The following SLC35D2 variants were observed in gnomAD, a reference collection of about 807,000 sequenced individuals.
SLC35D2 encodes solute carrier family 35 member D2.
In SLC35D2, 43 loss-of-function variants were observed where a neutral mutation model predicts 41.8. That is an observed-to-expected ratio of 1.03 (90% CI 0.81 to 1.33). SLC35D2 has a LOEUF of 1.33. SLC35D2 is among the 40% of genes most tolerant of loss of function. SLC35D2 has a pLI of 0.00. For synonymous variants in SLC35D2, 150 were observed against 163.9 expected, an observed-to-expected ratio of 0.92 and a Z score of 0.65; for missense variants, 380 against 408.4, an observed-to-expected ratio of 0.93 and a Z score of 0.60.
intron 6 of SLC35D2, among the ~76,000 whole-genome samples, chr9:96,349,706 A>G (rs914005787): frequency 1.3e-5 from 2 of 152,010 alleles, no homozygotes; most frequent in Non-Finnish European, 2.9e-5. Flanking sequence ...TTGTATTTTT[A>G]GTAGAGATGG....
At chr9:96,336,896 C>T (rs2130882285) in intron 8 of SLC35D2, 112 bp from the exon 9 acceptor site, 1 of 657,428 alleles carries the variant, frequency 1.5e-6, no homozygotes, top group Admixed American at 2.8e-5. Context: ...AAACAGAAAA[C>T]ATAAAGCTAA....
At chr9:96,330,542 C>A (rs1828761396) in intron 9 of SLC35D2, among the ~76,000 whole-genome samples, 1 of 152,188 alleles carries the variant, frequency 6.6e-6, no homozygotes, top group Non-Finnish European at 1.5e-5. Flanking sequence ...CTGCATACAA[C>A]AGAAATACAC....
intron 1 of SLC35D2, among the ~76,000 whole-genome samples, chr9:96,372,574 CTTTTTTTTTTTTTTT>C (rs71368250): frequency 2.2e-5 from 2 of 90,142 alleles, no homozygotes; most frequent in African/African-American, 5.4e-5. Context: ...TAAATAATTA[CTTTTTTTTTTTTTTT>C]TTTTTTTTTT....
intron 1 of SLC35D2, among the ~76,000 whole-genome samples, chr9:96,369,196 A>G (rs1036283071): frequency 2.6e-5 from 4 of 152,196 alleles, no homozygotes; most frequent in African/African-American, 9.6e-5. Context: ...TCATTATACT[A>G]GTTTTAAAAG....
At chr9:96,324,261 CTTT>C in intron 9 of SLC35D2, 92 bp from the exon 10 acceptor site, 1 of 958,398 alleles carries the variant, frequency 1.0e-6, no homozygotes, top group Admixed American at 2.3e-5. Context: ...CACACAAGCA[CTTT>C]AAGCGAAGAA....
exon 12 of SLC35D2, among the ~76,000 whole-genome samples, chr9:96,313,577 T>C (rs1363196962): frequency 6.6e-6 from 1 of 152,170 alleles, no homozygotes; most frequent in Non-Finnish European, 1.5e-5. Context: ...GTCTTTCTGG[T>C]GTAGCCAGCC....
At chr9:96,316,526 A>G (rs1040249048), downstream of SLC35D2, among the ~76,000 whole-genome samples, 1 of 151,766 alleles carries the variant, frequency 6.6e-6, no homozygotes, top group Non-Finnish European at 1.5e-5. Context: ...GTCTGGACCA[A>G]CAGCCTGGGG....
chr9:96,325,577 G>A (rs1033497508), intron 9 of SLC35D2, among the ~76,000 whole-genome samples: 5 of 152,258 alleles, frequency 3.3e-5, no homozygotes, highest in Non-Finnish European at 7.4e-5. Context: ...CAGCTACTCG[G>A]GAGGATGAAG....
chr9:96,373,631 G>A (rs1450658937), intron 1 of SLC35D2, among the ~76,000 whole-genome samples: 1 of 149,808 alleles, frequency 6.7e-6, no homozygotes, highest in Non-Finnish European at 1.5e-5. Flanking sequence ...AGGTTGCAGT[G>A]AGCAGAGATC....
At chr9:96,355,929 T>C (rs978499462) in intron 4 of SLC35D2, among the ~76,000 whole-genome samples, 2 of 152,248 alleles carry the variant, frequency 1.3e-5, no homozygotes, top group Non-Finnish European at 2.9e-5. Flanking sequence ...TTCAAATAGA[T>C]ACACAGATTG....
intron 2 of SLC35D2, among the ~76,000 whole-genome samples, chr9:96,365,950 C>T (rs1830455932): frequency 6.6e-6 from 1 of 152,108 alleles, no homozygotes; most frequent in African/African-American, 2.4e-5. Flanking sequence ...TGTAATTAAG[C>T]CCATCCTGAA....
chr9:96,359,897 T>G (rs1830189724), intron 4 of SLC35D2, among the ~76,000 whole-genome samples: 1 of 152,144 alleles, frequency 6.6e-6, no homozygotes, highest in East Asian at 1.9e-4. Context: ...AAATCAGACC[T>G]TCTCTACCTT....
chr9:96,345,918 A>G (rs1829556534), intron 6 of SLC35D2, among the ~76,000 whole-genome samples: 1 of 152,190 alleles, frequency 6.6e-6, no homozygotes, highest in African/African-American at 2.4e-5. Flanking sequence ...TGACCCCTCT[A>G]TGGCTCCTTT....
At chr9:96,318,985 G>T (rs2130818471), downstream of SLC35D2, among the ~76,000 whole-genome samples, 1 of 152,162 alleles carries the variant, frequency 6.6e-6, no homozygotes, top group Non-Finnish European at 1.5e-5. Context: ...AAAATAGAAA[G>T]ACCACAGGAT....
intron 1 of SLC35D2, among the ~76,000 whole-genome samples, chr9:96,382,146 C>A (rs532773590): frequency 1.1e-4 from 16 of 152,050 alleles, no homozygotes; most frequent in African/African-American, 3.6e-4. Context: ...TACAACCAAT[C>A]GAGCTTATGT....
At chr9:96,370,635 C>T (rs1306701675) in intron 1 of SLC35D2, among the ~76,000 whole-genome samples, 5 of 151,344 alleles carry the variant, frequency 3.3e-5, no homozygotes, top group Admixed American at 1.3e-4. Flanking sequence ...CCAGCCTGGG[C>T]GACAGAGCAA....
At chr9:96,379,210 G>C (rs1241313416) in intron 1 of SLC35D2, among the ~76,000 whole-genome samples, 1 of 151,874 alleles carries the variant, frequency 6.6e-6, no homozygotes, top group Non-Finnish European at 1.5e-5. Context: ...AGGAGGCTGA[G>C]GTGGGAAGAT....
chr9:96,338,866 TTA>T (rs1491500150), intron 8 of SLC35D2, among the ~76,000 whole-genome samples: 20 of 152,146 alleles, frequency 1.3e-4, no homozygotes, highest in African/African-American at 4.6e-4. Context: ...TGGGAAACAC[TTA>T]GTGTCTGAAA....
chr9:96,352,353 G>T (rs771048248), intron 4 of SLC35D2, among the ~76,000 whole-genome samples: 1 of 151,358 alleles, frequency 6.6e-6, no homozygotes, highest in Non-Finnish European at 1.5e-5. Context: ...ACAGAGTCTC[G>T]CTGTGTTGCC....
Sources: gnomAD v4.1 joint callset for allele counts (sites outside exome capture counted in the v4.1 genomes callset) on GRCh38, gnomAD v4.1.1 for gene constraint, MANE v1.5 for transcripts, NCBI Gene and HGNC (gene_info 2026-07-23, HGNC 2026-07-21) for gene names.